The following PRR16 variants were observed in gnomAD, a reference collection of about 807,000 sequenced individuals.
The protein encoded by PRR16 is protein Largen.
PRR16 carries 6 observed loss-of-function variants against 18.2 expected under a neutral mutation model. The observed-to-expected ratio is 0.33, with a 90% CI of 0.18 to 0.65. PRR16 has a LOEUF of 0.65. Among genes scored for constraint, PRR16 ranks in the 30% least tolerant of loss-of-function variants. The probability of loss-of-function intolerance (pLI) is 0.74; values close to 1 mark genes in which losing one functional copy is unlikely to be tolerated. For missense variants in PRR16, 412 were observed against 376.6 expected, an observed-to-expected ratio of 1.09 and a Z score of -0.78; for synonymous variants, 151 against 147.8, an observed-to-expected ratio of 1.02 and a Z score of -0.16.
chr5:120,621,596 G>A, intron 1 of PRR16, among the ~76,000 whole-genome samples: 1 of 152,078 alleles, frequency 6.6e-6, no homozygotes, highest in East Asian at 1.9e-4. Flanking sequence ...TGTGTCAGGG[G>A]AGAGACCAGG....
chr5:120,608,124 C>T (rs1374443175), intron 1 of PRR16, among the ~76,000 whole-genome samples: 1 of 152,120 alleles, frequency 6.6e-6, no homozygotes, highest in African/African-American at 2.4e-5. Context: ...AAGCCCTTTC[C>T]TTTTGTTTCC....
intron 1 of PRR16, among the ~76,000 whole-genome samples, chr5:120,487,211 G>A (rs185460706): frequency 1.3e-5 from 2 of 152,248 alleles, no homozygotes; most frequent in African/African-American, 2.4e-5. Flanking sequence ...GATAGGGATG[G>A]CATTGAATCT....
the PRR16 span, among the ~76,000 whole-genome samples, chr5:120,768,552 T>G: frequency 6.6e-6 from 1 of 151,694 alleles, no homozygotes; most frequent in Non-Finnish European, 1.5e-5. Context: ...GAATCCTGAA[T>G]TAATACTCAA....
intron 1 of PRR16, among the ~76,000 whole-genome samples, chr5:120,531,034 G>A (rs909420391): frequency 2.0e-5 from 3 of 152,124 alleles, no homozygotes; most frequent in Non-Finnish European, 2.9e-5. Flanking sequence ...ATATGCACTG[G>A]CAGCCTCTTC....
intron 1 of PRR16, among the ~76,000 whole-genome samples, chr5:120,550,304 T>A (rs950935639): frequency 1.4e-4 from 21 of 151,992 alleles, no homozygotes; most frequent in African/African-American, 4.8e-4. Flanking sequence ...TTCAAAAAAA[T>A]TGAGTAGAAT....
intron 1 of PRR16, among the ~76,000 whole-genome samples, chr5:120,533,935 AG>A (rs1751632957): frequency 6.6e-6 from 1 of 152,128 alleles, no homozygotes; most frequent in South Asian, 2.1e-4. Context: ...AAGTATAACA[AG>A]GCTTCCTGAG....
intron 1 of PRR16, among the ~76,000 whole-genome samples, chr5:120,611,567 C>T (rs1253456469): frequency 6.6e-6 from 1 of 152,220 alleles, no homozygotes; most frequent in Non-Finnish European, 1.5e-5. Flanking sequence ...CAAACTGTGG[C>T]TTCAGAGGGT....
At chr5:120,598,240 C>T (rs1465272468) in intron 1 of PRR16, among the ~76,000 whole-genome samples, 1 of 151,698 alleles carries the variant, frequency 6.6e-6, no homozygotes, top group Non-Finnish European at 1.5e-5. Flanking sequence ...ATTTCTTTTA[C>T]ATTAATGTAG....
At chr5:120,701,068 G>A in the PRR16 span, among the ~76,000 whole-genome samples, 2 of 152,214 alleles carry the variant, frequency 1.3e-5, no homozygotes, top group Non-Finnish European at 2.9e-5. Context: ...GCTCCTGTGG[G>A]AGGAGGTTCT....
Position 120,686,731 on chromosome 5 carries a change from T to G in PRR16, c.*22T>G, listed in dbSNP as rs189070508. On this transcript the variant is annotated 3_prime_UTR_variant, in exon 2 of 2. Coordinates refer to ENST00000407149, the MANE Select transcript of PRR16 (RefSeq NM_001300783.2). The stretch of plus-strand genomic sequence containing the variant: ...GTGATGTATGCCATTAAAAAAATTG[T>G]TTTTTTAATTTTCTATATTATAAAC... 7.2e-4 allele frequency: 1,028 copies of G among 1,423,110 alleles called. 7 individuals are homozygous for G. The African/African-American group carries it at 0.013, about 18-fold the overall frequency. 88.2% of individuals were successfully genotyped at this position (1,423,110 alleles called of 1,614,324 possible).
chr5:120,775,303 C>T, the PRR16 span, among the ~76,000 whole-genome samples: 2 of 152,058 alleles, frequency 1.3e-5, no homozygotes, highest in African/African-American at 4.8e-5. Flanking sequence ...TCCTCTTCTC[C>T]TGTCTTAGGA....
At chr5:120,782,599 G>A in the PRR16 span, among the ~76,000 whole-genome samples, 6 of 152,176 alleles carry the variant, frequency 3.9e-5, no homozygotes, top group Admixed American at 3.3e-4. Flanking sequence ...TAAGTTACAA[G>A]GTAGGGCTCC....
At chr5:120,486,294 C>T (rs1007326534) in intron 1 of PRR16, among the ~76,000 whole-genome samples, 1 of 152,130 alleles carries the variant, frequency 6.6e-6, no homozygotes, top group Non-Finnish European at 1.5e-5. Context: ...TGTTTCTCCA[C>T]ATCCTCTCCA....
the PRR16 span, among the ~76,000 whole-genome samples, chr5:120,732,216 T>C: frequency 6.6e-6 from 1 of 152,338 alleles, no homozygotes; most frequent in African/African-American, 2.4e-5. Context: ...GAACAATTAA[T>C]TTATCAGTTG....
At chr5:120,772,363 A>T in the PRR16 span, among the ~76,000 whole-genome samples, 1 of 152,184 alleles carries the variant, frequency 6.6e-6, no homozygotes, top group East Asian at 1.9e-4. Flanking sequence ...TGTAATCTTT[A>T]ATCTCTTTTG....
At chr5:120,688,592 T>G (rs1757174256), downstream of PRR16, among the ~76,000 whole-genome samples, 1 of 152,210 alleles carries the variant, frequency 6.6e-6, no homozygotes, top group South Asian at 2.1e-4. Context: ...AATTACTTCC[T>G]TTCACATGTC....
intron 1 of PRR16, among the ~76,000 whole-genome samples, chr5:120,629,851 T>G (rs1257055916): frequency 1.3e-5 from 2 of 151,850 alleles, no homozygotes; most frequent in Non-Finnish European, 2.9e-5. Context: ...TTTAAAAATA[T>G]TAACCCATTA....
At chr5:120,675,849 G>T (rs901920837) in intron 1 of PRR16, among the ~76,000 whole-genome samples, 2 of 151,960 alleles carry the variant, frequency 1.3e-5, no homozygotes, top group African/African-American at 4.8e-5. Flanking sequence ...ATATTATTAG[G>T]TATTAAATAC....
intron 1 of PRR16, among the ~76,000 whole-genome samples, chr5:120,510,346 A>C (rs1368573431): frequency 1.3e-5 from 2 of 152,186 alleles, no homozygotes; most frequent in Non-Finnish European, 2.9e-5. Context: ...AATGTATGTG[A>C]GATTACAGTT....
Sources: allele counts gnomAD v4.1 joint callset (sites outside exome capture counted in the v4.1 genomes callset), GRCh38; gene constraint gnomAD v4.1.1; transcripts MANE v1.5; gene names NCBI Gene and HGNC (gene_info 2026-07-23, HGNC 2026-07-21).